MALSU1: variants seen among roughly 807,000 people sequenced by gnomAD.
The protein encoded by MALSU1 is mitochondrial assembly of ribosomal large subunit protein 1.
Under a neutral mutation model 22.1 loss-of-function variants are expected in MALSU1, and 22 were observed. The ratio of observed to expected loss-of-function variants is 1.00; its 90% CI spans 0.71 to 1.42. The LOEUF (loss-of-function observed/expected upper bound fraction) is 1.42. MALSU1 is among the 40% of genes most tolerant of loss of function. The pLI is 0.00. For synonymous variants in MALSU1, 153 were observed against 118.5 expected (o/e 1.29, Z -1.89); for missense variants, 379 against 308.3 (o/e 1.23, Z -1.72).
At chr7:23,308,250 A>G (rs1783749527) in intron 3 of MALSU1, among the ~76,000 whole-genome samples, 1 of 152,190 alleles carries the variant, frequency 6.6e-6, no homozygotes, top group South Asian at 2.1e-4. Flanking sequence ...ACAGGATAAC[A>G]TAGTAGAGGC....
At position 23,311,610 on chromosome 7, in the gene MALSU1, C is replaced by A. The variant is rs1261773766; in HGVS notation, c.*2067C>A. On this transcript the variant is annotated 3_prime_UTR_variant, in exon 4 of 4. Coordinates refer to ENST00000466681, the MANE Select transcript of MALSU1 (RefSeq NM_138446.2). Reference sequence around the variant, plus strand: ...ACTGTGTCAAAAGCCTCAAAAAACCCTGAAATTAATTTTCCAGCTTTACTG... The same window carrying A: ...ACTGTGTCAAAAGCCTCAAAAAACCATGAAATTAATTTTCCAGCTTTACTG... 1.3e-5 allele frequency: 2 copies of A among 152,290 alleles called. No homozygotes were observed. The highest frequency in any genetic ancestry group is 2.9e-5 in the Non-Finnish European group (2 of 68,022). The allele number at this position is 152,290 out of a possible 1,614,324, so 9.4% of individuals were successfully genotyped here.
rs1175879401 is a variant in MALSU1 at position 23,309,351 on chromosome 7, G to A, written c.518-5G>A. 3 of 1,606,762 alleles carry A rather than the reference G, an allele frequency of 1.9e-6. No homozygotes were observed. In the East Asian group the frequency reaches 6.7e-5, roughly 36 times the overall value. ...TTCATTGTATCTCTTATCTGTCCCT[G>A]ACAGGCAGCATGGTGATTCATTTGA... is the stretch of plus-strand genomic sequence containing the variant. On this transcript the variant is annotated splice_polypyrimidine_tract_variant and splice_region_variant and intron_variant, in intron 3 of 3. Coordinates refer to ENST00000466681, the MANE Select transcript of MALSU1 (RefSeq NM_138446.2).
rs1562659261 is a variant in MALSU1, at chr7:23,309,514, G to GTGAC, written c.678_681dup (p.Pro228AspfsTer8). Reference sequence around the variant, plus strand: ...TGGAATAGAAGATGATACTTCATCTGTGACTCCAGTGGAGTTAAAATGTGA... The same window carrying GTGAC: ...TGGAATAGAAGATGATACTTCATCTGTGACTGACTCCAGTGGAGTTAAAATGTGA... On this transcript the variant is annotated frameshift_variant, in exon 4 of 4. Coordinates refer to ENST00000466681, the MANE Select transcript of MALSU1 (RefSeq NM_138446.2). LOFTEE classifies it high-confidence loss of function. 5 of 1,608,442 alleles carry GTGAC rather than the reference G, an allele frequency of 3.1e-6. 1 individual carries two copies. The Admixed American group carries it at 5.1e-5, about 16-fold the overall frequency.
chr7:23,308,970 C>CG (rs1388688239), intron 3 of MALSU1, among the ~76,000 whole-genome samples: 1 of 152,170 alleles, frequency 6.6e-6, no homozygotes, highest in Non-Finnish European at 1.5e-5. Flanking sequence ...GAGGCAGTAT[C>CG]TTTCTGTTAA....
At chr7:23,307,163 C>T (rs1562657830) in intron 2 of MALSU1, among the ~76,000 whole-genome samples, 3 of 152,156 alleles carry the variant, frequency 2.0e-5, no homozygotes, top group Admixed American at 1.3e-4. Flanking sequence ...GCTCATAATA[C>T]TCTTACAATC....
chr7:23,301,114 A>G (rs967684440), intron 2 of MALSU1, 97 bp downstream of exon 2: 5 of 1,187,498 alleles, frequency 4.2e-6, no homozygotes, highest in Non-Finnish European at 2.4e-6. Flanking sequence ...AACCCATCAT[A>G]CAAAGTTACA....
intron 2 of MALSU1, 47 bp downstream of exon 2, chr7:23,301,064 G>C (rs765975156): frequency 6.5e-7 from 1 of 1,539,740 alleles, no homozygotes; most frequent in Non-Finnish European, 8.9e-7. Flanking sequence ...GAGTGGAATA[G>C]TGACAGTGCA....
chr7:23,305,960 C>T (rs1194964101), intron 2 of MALSU1, among the ~76,000 whole-genome samples: 8 of 152,068 alleles, frequency 5.3e-5, no homozygotes, highest in East Asian at 3.9e-4. Context: ...TTTGGGAGGC[C>T]GAGGCAGGCA....
intron 2 of MALSU1, among the ~76,000 whole-genome samples, chr7:23,305,393 AT>A (rs571160861): frequency 2.0e-3 from 283 of 141,388 alleles, no homozygotes; most frequent in Middle Eastern, 3.7e-3. Flanking sequence ...AGTCCATATA[AT>A]TTTTTTTTTT....
At chr7:23,308,894 A>C (rs1426732577) in intron 3 of MALSU1, among the ~76,000 whole-genome samples, 2 of 148,680 alleles carry the variant, frequency 1.3e-5, no homozygotes, top group Admixed American at 6.6e-5. Context: ...AAATGACTCT[A>C]AACATTACCA....
rs781667851 is a variant in MALSU1 at position 23,307,940 on chromosome 7, G to A, written c.508G>A (p.Val170Met). The change falls in exon 3 of 4, where the codon GTG (valine) becomes ATG (methionine). Residue 170 changes from valine to methionine, a missense_variant. Val to Met is a conservative substitution (Grantham distance 21, BLOSUM62 1). Coordinates refer to ENST00000466681, the MANE Select transcript of MALSU1 (RefSeq NM_138446.2). ...EGKDTDDWLC[V>M]DFGSMVIHLM... Reference sequence around the variant, plus strand: ...GAAGGACACTGATGACTGGCTGTGCGTGGATTTTGGTAAGTTATTCTGGCG... The same window carrying A: ...GAAGGACACTGATGACTGGCTGTGCATGGATTTTGGTAAGTTATTCTGGCG... 8.7e-6 allele frequency: 14 copies of A among 1,612,098 alleles called. No homozygotes were observed. The Admixed American group carries it at 1.5e-4, about 17-fold the overall frequency.
In MALSU1 at chr7:23,309,768, T is replaced by C. The variant is rs910671717; in HGVS notation, c.*225T>C. 1.0e-5 allele frequency: 3 copies of C among 300,892 alleles called. No individual in the cohort carries two copies. The highest frequency in any genetic ancestry group is 6.5e-5 in the African/African-American group (3 of 46,290). The allele number at this position is 300,892 out of a possible 1,614,324, so 18.6% of individuals were successfully genotyped here. A position where few individuals can be genotyped will look rare whatever the true frequency, so the allele number is the denominator to read the frequency against. ...CAAAACTTATGACACGCTGCCTTTA[T>C]CCTGGAAATGTCATCAGAATTTCCT... On this transcript the variant is annotated 3_prime_UTR_variant, in exon 4 of 4. Coordinates refer to ENST00000466681, the MANE Select transcript of MALSU1 (RefSeq NM_138446.2).
chr7:23,306,883 G>A (rs1194508561), intron 2 of MALSU1, among the ~76,000 whole-genome samples: 1 of 152,086 alleles, frequency 6.6e-6, no homozygotes, highest in Non-Finnish European at 1.5e-5. Context: ...AGGGTTATTG[G>A]TCTTATGGAA....
chr7:23,304,286 A>AC (rs1347456332), intron 2 of MALSU1, among the ~76,000 whole-genome samples: 15 of 152,272 alleles, frequency 9.9e-5, no homozygotes, highest in Admixed American at 2.6e-4. Context: ...TAGTGGCTAC[A>AC]CCACTTTACA....
rs578072191 is a variant in MALSU1 at position 23,302,126 on chromosome 7, C to G, written c.435+1109C>G. On this transcript the variant is annotated intron_variant, in intron 2 of 3. Coordinates refer to ENST00000466681, the MANE Select transcript of MALSU1 (RefSeq NM_138446.2). ...ATTGGACAGTGCTGGCCTGGAGTTT[C>G]ATTCAAAGATTTGAGCATGTCCAGT... Among the ~76,000 whole-genome samples the G allele has an allele frequency of 5.3e-5, 8 of 152,278 alleles. No individual in the cohort carries two copies. In the South Asian group the frequency reaches 1.7e-3, roughly 32 times the overall value.
chr7:23,301,057 T>G (rs755776501), intron 2 of MALSU1, 40 bp downstream of exon 2: 29 of 1,562,772 alleles, frequency 1.9e-5, no homozygotes, highest in Non-Finnish European at 2.5e-5. Context: ...ATTAACTGAG[T>G]GGAATAGTGA....
chr7:23,301,842 G>A (rs1342130217), intron 2 of MALSU1, among the ~76,000 whole-genome samples: 2 of 151,966 alleles, frequency 1.3e-5, no homozygotes, highest in East Asian at 3.9e-4. Flanking sequence ...GGTGGCGTGT[G>A]CCTGTAATTC....
At chr7:23,308,260 C>T (rs531840794) in intron 3 of MALSU1, among the ~76,000 whole-genome samples, 93 of 152,106 alleles carry the variant, frequency 6.1e-4, no homozygotes, top group Non-Finnish European at 1.0e-3. Context: ...ATAGTAGAGG[C>T]GGGAGAGATT....
rs1327427540 is a variant in MALSU1 at position 23,311,524 on chromosome 7, A to G, written c.*1981A>G. 2 of 152,414 alleles carry G rather than the reference A, an allele frequency of 1.3e-5. No homozygotes were observed. The highest frequency in any genetic ancestry group is 2.9e-5 in the Non-Finnish European group (2 of 68,040). 9.4% of individuals were successfully genotyped at this position (152,414 alleles called of 1,614,324 possible). On this transcript the variant is annotated 3_prime_UTR_variant, in exon 4 of 4. Transcript: ENST00000466681. ...AACTATAAATGAAAGAATAAATGGTAGTGCTGCTCTCCAGATACTAGGCAC... is the reference window on the plus strand; with the variant it reads ...AACTATAAATGAAAGAATAAATGGTGGTGCTGCTCTCCAGATACTAGGCAC...
Sources: allele counts gnomAD v4.1 joint callset (sites outside exome capture counted in the v4.1 genomes callset), GRCh38; gene constraint gnomAD v4.1.1; transcripts MANE v1.5; gene names NCBI Gene and HGNC (gene_info 2026-07-23, HGNC 2026-07-21).